Variants in SLC38A5 observed in about 807,000 individuals in gnomAD.
The protein encoded by SLC38A5 is solute carrier family 38 member 5.
A neutral mutation model predicts 34.6 loss-of-function variants in SLC38A5; 9 were observed. The ratio of observed to expected loss-of-function variants is 0.26; its 90% CI spans 0.16 to 0.45. The LOEUF (loss-of-function observed/expected upper bound fraction) is 0.45. Among genes scored for constraint, SLC38A5 ranks in the 20% least tolerant of loss-of-function variants. The pLI, the probability that SLC38A5 is intolerant of heterozygous loss-of-function variation, is 1.00. For synonymous variants in SLC38A5, 157 were observed against 155.6 expected, an observed-to-expected ratio of 1.01 and a Z score of -0.07; for missense variants, 253 against 394.7, an observed-to-expected ratio of 0.64 and a Z score of 3.04.
chrX:48,466,351 A>G, intron 6 of SLC38A5, 29 bp from the exon 7 acceptor site: 1 of 1,170,302 alleles, frequency 8.5e-7, no homozygotes, highest in Non-Finnish European at 1.1e-6. Context: ...AACAGGGTTG[A>G]AGGTCCAGGA....
In SLC38A5 at chrX:48,466,327, CG is replaced by C. The variant is rs782382344; in HGVS notation, c.320-6del. Reference sequence around the variant, plus strand: ...GCTGCTCATAGGCTCGGATGCCTAGCGGGGGGAGTCAGGAACAGGGTTGAAG... The same window carrying C: ...GCTGCTCATAGGCTCGGATGCCTAGCGGGGGAGTCAGGAACAGGGTTGAAG... On this transcript the variant is annotated splice_polypyrimidine_tract_variant and splice_region_variant and intron_variant, in intron 6 of 16. Coordinates refer to ENST00000620913, the MANE Select transcript of SLC38A5 (RefSeq NM_033518.4). 8 of 1,186,284 alleles carry C rather than the reference CG, an allele frequency of 6.7e-6. No individual in the cohort carries two copies. In the East Asian group the frequency reaches 2.2e-4, roughly 32 times the overall value.
chrX:48,468,484 C>T (rs1269241185), intron 2 of SLC38A5: 1 of 666,499 alleles, frequency 1.5e-6, no homozygotes, highest in Non-Finnish European at 1.8e-6. Context: ...CCCCCAAGCC[C>T]GAGACCAGAG....
Position 48,467,761 on chromosome X carries a change from G to A in SLC38A5, c.78C>T (p.Phe26=). 8.3e-7 allele frequency: 1 copy of A among 1,208,765 alleles called. No homozygotes were observed. The highest frequency in any genetic ancestry group is 1.1e-6 in the Non-Finnish European group (1 of 894,176). ...AVGYRQEREG[F]LPSRGPAPGS... is the part of the protein sequence containing the mutation. ...CAGGAGCAGGACCACGACTGGGCAG[G>A]AAGCCCTCACGTTCTTGCCTGTAGC... is the stretch of plus-strand genomic sequence containing the variant. Residue 26 remains phenylalanine, a synonymous_variant, in exon 4 of 17, where the codon TTC becomes TTT. Transcript: ENST00000620913.
At position 48,460,968 on chromosome X, in the gene SLC38A5, A is replaced by G; in HGVS notation, c.952+18T>C. 1 of 1,147,653 alleles carries G rather than the reference A, an allele frequency of 8.7e-7. No homozygotes were observed. Among genetic ancestry groups the G allele is most frequent in the Non-Finnish European group, 1.2e-6 (1 of 849,248 alleles). The allele number at this position is 1,147,653 out of a possible 1,213,427, so 94.6% of individuals were successfully genotyped here. Reference sequence around the variant, plus strand: ...AGGCCTTCCCCCTCCCCCCAGCCCTAGCCCCAGCCCCACTCACTGTAGAAG... The same window carrying G: ...AGGCCTTCCCCCTCCCCCCAGCCCTGGCCCCAGCCCCACTCACTGTAGAAG... On this transcript the variant is annotated intron_variant, in intron 13 of 16. Transcript: ENST00000620913.
At chrX:48,460,251 T>A (rs180799576) in intron 14 of SLC38A5, among the ~76,000 whole-genome samples, 1 of 110,988 alleles carries the variant, frequency 9.0e-6, no homozygotes, top group African/African-American at 3.3e-5. Context: ...CTCCCTCCTC[T>A]GTCTAATTAG....
chrX:48,466,406 T>A (rs1294304965), intron 6 of SLC38A5, 84 bp from the exon 7 acceptor site: 5 of 944,460 alleles, frequency 5.3e-6, no homozygotes, highest in Non-Finnish European at 7.3e-6. Context: ...AGCTGGGGAG[T>A]TGGGGCTTGG....
chrX:48,465,618 C>A (rs1266511533), intron 8 of SLC38A5, among the ~76,000 whole-genome samples: 1 of 111,602 alleles, frequency 9.0e-6, no homozygotes, highest in African/African-American at 3.3e-5. Context: ...GGTTGGAATC[C>A]CAGTATACGG....
At chrX:48,460,012 T>C (rs2061423953) in intron 14 of SLC38A5, 136 bp from the exon 15 acceptor site, 2 of 847,418 alleles carry the variant, frequency 2.4e-6, no homozygotes, top group Non-Finnish European at 3.2e-6. Context: ...GGCTCCACCC[T>C]GCCTAACCCA....
In SLC38A5 at chrX:48,458,696, T is replaced by TCCTCC. The variant is rs1569468277; in HGVS notation, c.*236_*237insGGAGG. 2.8e-3 allele frequency: 1,121 copies of TCCTCC among 395,174 alleles called. 20 individuals carry two copies. In the African/African-American group the frequency reaches 0.037, roughly 13 times the overall value. 32.6% of individuals were successfully genotyped at this position (395,174 alleles called of 1,213,427 possible). ...CCTCCTCCTCCTCCTCCTCCTCCTC[T>TCCTCC]TCTTCCTCCTCCTCCTCCTCCCATG... On this transcript the variant is annotated 3_prime_UTR_variant, in exon 17 of 17. Coordinates refer to ENST00000620913, the MANE Select transcript of SLC38A5 (RefSeq NM_033518.4).
chrX:48,461,437 T>C (rs1173633114), intron 12 of SLC38A5, among the ~76,000 whole-genome samples: 1 of 111,680 alleles, frequency 9.0e-6, no homozygotes, highest in African/African-American at 3.3e-5. Flanking sequence ...TCACCAGCCA[T>C]GCATATCACC....
At chrX:48,460,907 G>T in intron 13 of SLC38A5, 79 bp downstream of exon 13, 1 of 1,018,744 alleles carries the variant, frequency 9.8e-7, no homozygotes, top group Non-Finnish European at 1.4e-6. Context: ...ACAGGTCCGT[G>T]GTCACAGAAG....
chrX:48,468,604 C>G (rs1169162319), intron 2 of SLC38A5: 2 of 185,252 alleles, frequency 1.1e-5, no homozygotes. Flanking sequence ...CACTAGAAGC[C>G]AAAGACAAGT....
Position 48,468,382 on chromosome X carries a change from C to G in SLC38A5, c.-1-457G>C, listed in dbSNP as rs1244217539. 1.3e-5 allele frequency: 10 copies of G among 764,257 alleles called. No individual in the cohort carries two copies. In the Admixed American group the frequency reaches 7.0e-4, roughly 54 times the overall value. The allele number at this position is 764,257 out of a possible 1,213,427, so 63.0% of individuals were successfully genotyped here. ...CCTCTCCTTCCCTCCACCCTCACCG[C>G]GTGGCCAGGCGGCTCACTCCTTGCA... On this transcript the variant is annotated intron_variant, in intron 2 of 16. Coordinates refer to ENST00000620913, the MANE Select transcript of SLC38A5 (RefSeq NM_033518.4).
chrX:48,468,347 C>T lies in SLC38A5; in HGVS notation c.-1-422G>A, dbSNP rs782004870. The T allele has an allele frequency of 5.3e-5, 41 of 776,962 alleles. No homozygotes were observed. In the South Asian group the frequency reaches 2.2e-3, roughly 41 times the overall value. The allele number at this position is 776,962 out of a possible 1,213,427, so 64.0% of individuals were successfully genotyped here. A position where few individuals can be genotyped will look rare whatever the true frequency, so the allele number is the denominator to read the frequency against. On this transcript the variant is annotated intron_variant, in intron 2 of 16. Transcript: ENST00000620913. ...CTGTGTCTTTCATTCCCCGGTCCCCCGCGCCACCCCCTCTCCTTCCCTCCA... is the reference window on the plus strand; with the variant it reads ...CTGTGTCTTTCATTCCCCGGTCCCCTGCGCCACCCCCTCTCCTTCCCTCCA...
chrX:48,464,378 CA>C (rs1556962733), intron 8 of SLC38A5, among the ~76,000 whole-genome samples: 1 of 112,522 alleles, frequency 8.9e-6, no homozygotes, highest in African/African-American at 3.2e-5. Flanking sequence ...AGAAATAAAC[CA>C]ATGGGAGCTA....
chrX:48,468,792 G>C (rs1177420278), intron 2 of SLC38A5: 2 of 659,406 alleles, frequency 3.0e-6, no homozygotes, highest in Non-Finnish European at 3.5e-6. Flanking sequence ...GTGGGGTGTG[G>C]GGTGTCTCAG....
intron 16 of SLC38A5, 100 bp downstream of exon 16, chrX:48,459,436 C>T: frequency 1.3e-6 from 1 of 756,239 alleles, no homozygotes; most frequent in East Asian, 3.7e-5. Context: ...CTCTCCCAGC[C>T]CCCTCCTATG....
intron 8 of SLC38A5, among the ~76,000 whole-genome samples, chrX:48,463,889 AAGAAAGAAAGAAAGAAAGAAAG>A (rs1173954603): frequency 9.4e-6 from 1 of 106,588 alleles, no homozygotes; most frequent in African/African-American, 3.6e-5. Flanking sequence ...GAAAGAAAGA[AAGAAAGAAAGAAAGAAAGAAAG>A]AGAAAGAAAG....
In SLC38A5 at chrX:48,459,427, T is replaced by C. The variant is rs1487615252; in HGVS notation, c.1317+109A>G. ...TCTTCCAGACCATTCTTTCAGATGC[T>C]CTCCCAGCCCCCTCCTATGCATGTC... On this transcript the variant is annotated intron_variant, in intron 16 of 16. Transcript: ENST00000620913. The C allele has an allele frequency of 5.6e-6, 4 of 714,524 alleles. No individual in the cohort carries two copies. In the African/African-American group the frequency reaches 8.9e-5, roughly 16 times the overall value. The allele number at this position is 714,524 out of a possible 1,213,427, so 58.9% of individuals were successfully genotyped here. A position where few individuals can be genotyped will look rare whatever the true frequency, so the allele number is the denominator to read the frequency against.
Sources: gnomAD v4.1 joint callset for allele counts (sites outside exome capture counted in the v4.1 genomes callset) on GRCh38, gnomAD v4.1.1 for gene constraint, MANE v1.5 for transcripts, NCBI Gene and HGNC (gene_info 2026-07-23, HGNC 2026-07-21) for gene names.